The following XKRX variants were observed in gnomAD, a reference collection of about 807,000 sequenced individuals.
XKRX encodes XK-related protein 2.
Under a neutral mutation model 22.4 loss-of-function variants are expected in XKRX, and 11 were observed. The observed-to-expected ratio is 0.49, with a 90% CI of 0.31 to 0.81. The LOEUF is 0.81. Ranked by LOEUF, XKRX falls within the 40% of genes least tolerant of loss-of-function variation. The probability of loss-of-function intolerance (pLI) is 0.05; values close to 1 mark genes in which losing one functional copy is unlikely to be tolerated. For synonymous variants in XKRX, 114 were observed against 132.2 expected, an observed-to-expected ratio of 0.86 and a Z score of 0.94; for missense variants, 320 against 336.5, an observed-to-expected ratio of 0.95 and a Z score of 0.38.
chrX:100,946,505 T>C, the XKRX span, among the ~76,000 whole-genome samples: 4 of 111,790 alleles, frequency 3.6e-5, no homozygotes, highest in South Asian at 3.8e-4. Context: ...GTGGAAAGTT[T>C]AACAAAAGGA....
intron 2 of XKRX, among the ~76,000 whole-genome samples, chrX:100,920,354 G>C (rs1352632461): frequency 9.0e-6 from 1 of 111,047 alleles, no homozygotes; most frequent in Non-Finnish European, 1.9e-5. Flanking sequence ...TTTGTTGACA[G>C]AATGTTTCAT....
At chrX:100,927,307 G>A (rs1289190075) in intron 1 of XKRX, among the ~76,000 whole-genome samples, 1 of 110,383 alleles carries the variant, frequency 9.1e-6, no homozygotes, top group African/African-American at 3.3e-5. Flanking sequence ...AGCCACCAGA[G>A]TAGCTGGGAT....
Position 100,921,690 on chromosome X carries a change from G to C in XKRX, c.604+1103C>G, listed in dbSNP as rs1206234135. 2.7e-5 allele frequency among the ~76,000 whole-genome samples: 3 copies of C among 110,540 alleles called. No homozygotes were observed. The East Asian group carries it at 8.5e-4, about 31-fold the overall frequency. On this transcript the variant is annotated intron_variant, in intron 2 of 2. Coordinates refer to ENST00000372956, the MANE Select transcript of XKRX (RefSeq NM_212559.3). Reference sequence around the variant, plus strand: ...GACTCACATTTCATCTTCTGCTAGAGGTCTTACTCATTTCAGGATCCCTCT... The same window carrying C: ...GACTCACATTTCATCTTCTGCTAGACGTCTTACTCATTTCAGGATCCCTCT...
chrX:100,926,993 T>C (rs964753133), intron 1 of XKRX, among the ~76,000 whole-genome samples: 15 of 110,885 alleles, frequency 1.4e-4, no homozygotes, highest in Admixed American at 1.3e-3. Context: ...CTCTGGAAAA[T>C]TTGAAAATGG....
At chrX:100,922,688 T>A in intron 2 of XKRX, 105 bp downstream of exon 2, 1 of 817,420 alleles carries the variant, frequency 1.2e-6, no homozygotes, top group African/African-American at 2.1e-5. Context: ...AATTTTAAGT[T>A]AAATAGCCAC....
chrX:100,930,196 G>A (rs2085516223), upstream of XKRX, among the ~76,000 whole-genome samples: 1 of 109,012 alleles, frequency 9.2e-6, no homozygotes, highest in South Asian at 4.1e-4. Flanking sequence ...GGCTGAGGCA[G>A]GAGAAAAACT....
upstream of XKRX, among the ~76,000 whole-genome samples, chrX:100,933,008 G>A (rs2085525588): frequency 9.1e-6 from 1 of 109,460 alleles, no homozygotes. Context: ...CTACAAAAAA[G>A]TAAAAACAAA....
the XKRX span, among the ~76,000 whole-genome samples, chrX:100,940,577 A>T: frequency 2.7e-5 from 3 of 111,697 alleles, no homozygotes; most frequent in Non-Finnish European, 5.6e-5. Context: ...TACTGCTATT[A>T]TCACATCACT....
chrX:100,914,455 G>A lies in XKRX; in HGVS notation c.1233C>T (p.Leu411=). 2 of 1,212,167 alleles carry A rather than the reference G, an allele frequency of 1.6e-6. No homozygotes were observed. The highest frequency in any genetic ancestry group is 1.1e-6 in the Non-Finnish European group (1 of 895,604). ...GGTAGTCTACTACATTATGGGTGAA[G>A]AGTGAGCGCAATGGATGCAAGTACT... ...FFQYLHPLRS[L]FTHNVVDYLH... Residue 411 remains leucine (L), a synonymous_variant, in exon 3 of 3, where the codon CTC becomes CTT. Coordinates refer to ENST00000372956, the MANE Select transcript of XKRX (RefSeq NM_212559.3).
downstream of XKRX, among the ~76,000 whole-genome samples, chrX:100,909,902 C>CAAAA (rs5903174): frequency 6.9e-4 from 24 of 34,545 alleles, no homozygotes; most frequent in East Asian, 1.9e-3. Context: ...GACTCCATCT[C>CAAAA]AAAAAAAAAA....
the XKRX span, among the ~76,000 whole-genome samples, chrX:100,950,860 C>T: frequency 3.6e-5 from 4 of 111,554 alleles, no homozygotes. Context: ...AATAAAAATA[C>T]AATATATCAA....
At chrX:100,926,613 T>C (rs1204418) in intron 1 of XKRX, among the ~76,000 whole-genome samples, 38,842 of 110,667 alleles carry the variant, frequency 0.35, 6,881 homozygotes, top group African/African-American at 0.7. Flanking sequence ...CTGCCTCTCT[T>C]GCAATCAAGA....
chrX:100,956,826 C>T, the XKRX span: 1 of 612,637 alleles, frequency 1.6e-6, no homozygotes. Context: ...AGATTCATCT[C>T]ACAGTAGTGT....
At chrX:100,900,213 C>G in the XKRX span, among the ~76,000 whole-genome samples, 8 of 110,614 alleles carry the variant, frequency 7.2e-5, no homozygotes. Flanking sequence ...AGGTGTGCAC[C>G]ATTAGTCAGG....
At chrX:100,895,800 A>G in the XKRX span, among the ~76,000 whole-genome samples, 1 of 111,978 alleles carries the variant, frequency 8.9e-6, no homozygotes, top group African/African-American at 3.2e-5. Context: ...TTCATGGGCG[A>G]GATCACTTGG....
the XKRX span, among the ~76,000 whole-genome samples, chrX:100,906,231 T>C: frequency 2.4e-4 from 27 of 111,788 alleles, no homozygotes; most frequent in Admixed American, 2.3e-3. Context: ...TTTGTTACAA[T>C]TGATGAAGAT....
At chrX:100,888,881 T>C in the XKRX span, among the ~76,000 whole-genome samples, 1 of 110,465 alleles carries the variant, frequency 9.1e-6, no homozygotes, top group Non-Finnish European at 1.9e-5. Context: ...TTGAATTGTG[T>C]CTCCCCAAAA....
At chrX:100,907,174 A>ACTTGC in the XKRX span, among the ~76,000 whole-genome samples, 1 of 110,808 alleles carries the variant, frequency 9.0e-6, no homozygotes, top group Non-Finnish European at 1.9e-5. Context: ...TTATTCTTCA[A>ACTTGC]CTTGCTTTTG....
chrX:100,909,868 ACTCCAGC>A (rs1362326189), downstream of XKRX, among the ~76,000 whole-genome samples: 1 of 88,109 alleles, frequency 1.1e-5, no homozygotes, highest in African/African-American at 4.1e-5. Flanking sequence ...GCACCACTGC[ACTCCAGC>A]CTGGGTGACA....
Sources: allele counts gnomAD v4.1 joint callset (sites outside exome capture counted in the v4.1 genomes callset), GRCh38; gene constraint gnomAD v4.1.1; transcripts MANE v1.5; gene names NCBI Gene and HGNC (gene_info 2026-07-23, HGNC 2026-07-21).